RGPD2: variants seen among roughly 807,000 people sequenced by gnomAD.
The protein encoded by RGPD2 is RANBP2 like and GRIP domain containing 2, also known as RANBP2-like and GRIP domain-containing protein 2.
Under a neutral mutation model 36.0 loss-of-function variants are expected in RGPD2, and 2 were observed. That is an observed-to-expected ratio of 0.06 (90% confidence interval 0.02 to 0.17). The LOEUF (loss-of-function observed/expected upper bound fraction) is 0.17, where lower values mean the gene tolerates loss of function less well. Among genes scored for constraint, RGPD2 ranks in the 10% least tolerant of loss-of-function variants. The pLI is 1.00. For synonymous variants in RGPD2, 19 were observed against 163.8 expected (o/e 0.12, Z 6.75); for missense variants, 40 against 464.3 (o/e 0.09, Z 8.40).
At chr2:87,973,033 C>T in the RGPD2 span, 121 of 1,595,496 alleles carry the variant, frequency 7.6e-5, no homozygotes, top group Middle Eastern at 5.2e-4. Context: ...AGCCCCCAGC[C>T]TACGAGGATG....
At chr2:87,824,739 CGAG>C (rs1476797573) in intron 1 of RGPD2, among the ~76,000 whole-genome samples, 4 of 110,112 alleles carry the variant, frequency 3.6e-5, no homozygotes, top group Non-Finnish European at 4.1e-5. Flanking sequence ...CCGGCCAGGC[CGAG>C]GCCGCCGCCG....
chr2:87,898,751 TC>T, the RGPD2 span, among the ~76,000 whole-genome samples: 5 of 133,320 alleles, frequency 3.8e-5, no homozygotes, highest in Admixed American at 3.1e-4. Context: ...AGAGGTGACT[TC>T]CGCCATGATT....
the RGPD2 span, among the ~76,000 whole-genome samples, chr2:87,911,538 G>T: frequency 6.6e-6 from 1 of 152,038 alleles, no homozygotes; most frequent in Non-Finnish European, 1.5e-5. Flanking sequence ...CAATAAAATT[G>T]TTATTGCAGA....
chr2:87,882,783 T>C, the RGPD2 span, among the ~76,000 whole-genome samples: 1 of 152,332 alleles, frequency 6.6e-6, no homozygotes, highest in African/African-American at 2.4e-5. Flanking sequence ...CAATGTTTTA[T>C]AGTTTTCAGC....
the RGPD2 span, among the ~76,000 whole-genome samples, chr2:87,860,258 C>G: frequency 3.3e-5 from 5 of 151,964 alleles, no homozygotes; most frequent in South Asian, 1.0e-3. Context: ...AGAGTTAGTG[C>G]CTGGTGCTGG....
chr2:87,989,123 G>A, the RGPD2 span: 2 of 511,284 alleles, frequency 3.9e-6, no homozygotes, highest in Non-Finnish European at 6.7e-6. Flanking sequence ...CTCAGAGGTG[G>A]CAATTTCAGG....
the RGPD2 span, among the ~76,000 whole-genome samples, chr2:87,879,752 T>A: frequency 1.6e-4 from 5 of 31,574 alleles, no homozygotes; most frequent in South Asian, 4.6e-3. Context: ...ATCTTGGATA[T>A]TGTGAACAGT....
chr2:87,934,562 T>C, the RGPD2 span, among the ~76,000 whole-genome samples: 1 of 151,036 alleles, frequency 6.6e-6, no homozygotes, highest in Non-Finnish European at 1.5e-5. Context: ...TTTCCAGTTT[T>C]TTATTATTTA....
the RGPD2 span, among the ~76,000 whole-genome samples, chr2:87,945,293 G>A: frequency 0.023 from 3,519 of 151,032 alleles, 2 homozygotes; most frequent in East Asian, 0.11. Context: ...TATCAACATC[G>A]AGAAATTTCA....
At chr2:87,934,414 T>C in the RGPD2 span, among the ~76,000 whole-genome samples, 2 of 142,618 alleles carry the variant, frequency 1.4e-5, no homozygotes, top group Non-Finnish European at 3.0e-5. Flanking sequence ...AAATGCTCTA[T>C]GCACACTGCT....
chr2:87,846,078 G>A, the RGPD2 span, among the ~76,000 whole-genome samples: 1 of 150,540 alleles, frequency 6.6e-6, no homozygotes. Flanking sequence ...ATAGTGTTTT[G>A]TATACTGCTT....
At chr2:87,825,557 G>A (rs1686748428) in intron 1 of RGPD2, 101 bp downstream of exon 1, 1 of 927,566 alleles carries the variant, frequency 1.1e-6, no homozygotes, top group Non-Finnish European at 1.3e-6. Context: ...CGCCCGGCCA[G>A]GTCGAGGCCG....
chr2:87,943,384 G>T, the RGPD2 span, among the ~76,000 whole-genome samples: 2 of 150,972 alleles, frequency 1.3e-5, no homozygotes, highest in Non-Finnish European at 3.0e-5. Flanking sequence ...TATACCTTTG[G>T]CCACTTGTAT....
intron 22 of RGPD2, among the ~76,000 whole-genome samples, chr2:87,762,545 C>CA (rs917863362): frequency 8.3e-6 from 1 of 120,118 alleles, no homozygotes; most frequent in Non-Finnish European, 1.6e-5. Flanking sequence ...TCAAAACAAA[C>CA]AAAAAAACCA....
the RGPD2 span, among the ~76,000 whole-genome samples, chr2:87,945,240 C>T: frequency 5.4e-3 from 824 of 151,492 alleles, no homozygotes; most frequent in African/African-American, 0.019. Context: ...TTATACAATG[C>T]AATTATATTT....
chr2:87,773,182 A>AGG, intron 21 of RGPD2, among the ~76,000 whole-genome samples: 1 of 122,158 alleles, frequency 8.2e-6, no homozygotes, highest in Admixed American at 8.9e-5. Flanking sequence ...ACAATGTAAA[A>AGG]CACTATCAGA....
the RGPD2 span, among the ~76,000 whole-genome samples, chr2:87,918,315 C>T: frequency 6.2e-5 from 9 of 144,854 alleles, no homozygotes; most frequent in South Asian, 2.2e-4. Context: ...ATGCTTTACA[C>T]GGATTGGCTA....
At chr2:87,965,885 T>G in the RGPD2 span, among the ~76,000 whole-genome samples, 1 of 124,290 alleles carries the variant, frequency 8.0e-6, no homozygotes, top group East Asian at 2.3e-4. Context: ...CATAAAGCCC[T>G]AGAAGTATAA....
chr2:87,840,683 A>G, the RGPD2 span, among the ~76,000 whole-genome samples: 1 of 150,048 alleles, frequency 6.7e-6, no homozygotes, highest in South Asian at 2.1e-4. Context: ...TTCACTGCAA[A>G]GAGCATGAGG....
Sources: gnomAD v4.1 joint callset for allele counts (sites outside exome capture counted in the v4.1 genomes callset) on GRCh38, gnomAD v4.1.1 for gene constraint, MANE v1.5 for transcripts, NCBI Gene and HGNC (gene_info 2026-07-23, HGNC 2026-07-21) for gene names.